Variants in NDST4 observed in about 807,000 individuals in gnomAD.
The protein encoded by NDST4 is N-heparan sulfate sulfotransferase 4.
NDST4 carries 63 observed loss-of-function variants against 100.8 expected under a neutral mutation model. The ratio of observed to expected loss-of-function variants is 0.62; its 90% CI spans 0.51 to 0.77. The LOEUF is 0.77. NDST4 is among the 30% of genes least tolerant of loss of function. The probability of loss-of-function intolerance (pLI) is 0.00; values close to 1 mark genes in which losing one functional copy is unlikely to be tolerated. For missense variants in NDST4, 943 were observed against 1,018.4 expected (o/e 0.93, Z 1.01); for synonymous variants, 377 against 361.8 (o/e 1.04, Z -0.48).
At chr4:115,042,883 G>A (rs1728383474) in intron 2 of NDST4, among the ~76,000 whole-genome samples, 1 of 151,994 alleles carries the variant, frequency 6.6e-6, no homozygotes, top group East Asian at 1.9e-4. Flanking sequence ...AAGACCAAAA[G>A]AAACATCCTA....
At chr4:114,895,697 GCCAATATC>G (rs1217604029) in intron 6 of NDST4, among the ~76,000 whole-genome samples, 1 of 151,972 alleles carries the variant, frequency 6.6e-6, no homozygotes, top group Non-Finnish European at 1.5e-5. Context: ...AAAACTTCAG[GCCAATATC>G]CCTGATGAAC....
intron 1 of NDST4, among the ~76,000 whole-genome samples, chr4:115,088,151 C>T (rs773236292): frequency 5.9e-5 from 9 of 151,832 alleles, no homozygotes; most frequent in Non-Finnish European, 1.0e-4. Context: ...TCCCTAGCTC[C>T]ACAATCTTCT....
intron 7 of NDST4, among the ~76,000 whole-genome samples, chr4:114,869,464 G>A (rs1051817980): frequency 1.3e-5 from 2 of 152,012 alleles, no homozygotes; most frequent in Non-Finnish European, 2.9e-5. Context: ...AAAAGTATGT[G>A]AGATCTTTTG....
In NDST4 at chr4:114,949,508, A is replaced by T. The variant is rs76480793; in HGVS notation, c.1222-12005T>A. Among the ~76,000 whole-genome samples, 1,256 of 152,140 alleles carry T rather than the reference A, an allele frequency of 8.3e-3. 21 individuals carry two copies. The highest frequency in any genetic ancestry group is 0.029 in the African/African-American group (1,203 of 41,518). ...GAGTAGTGGTTGCTAGTATTGGTTC[A>T]GCAGTTTAAGATTGCCAAAAGTGAG... On this transcript the variant is annotated intron_variant, in intron 4 of 13. Transcript: ENST00000264363.
intron 10 of NDST4, among the ~76,000 whole-genome samples, chr4:114,843,156 G>A (rs1723468725): frequency 6.6e-6 from 1 of 151,980 alleles, no homozygotes; most frequent in South Asian, 2.1e-4. Flanking sequence ...CATTAACATA[G>A]CAGTTTCTTT....
At chr4:115,006,045 AAAAAG>A (rs1251875832) in intron 2 of NDST4, among the ~76,000 whole-genome samples, 25 of 151,060 alleles carry the variant, frequency 1.7e-4, no homozygotes, top group Non-Finnish European at 2.8e-4. Context: ...AAAAAAAAAA[AAAAAG>A]AAGAAGAAGA....
At chr4:114,980,598 C>T (rs138940424) in intron 2 of NDST4, among the ~76,000 whole-genome samples, 1,716 of 152,010 alleles carry the variant, frequency 0.011, 35 homozygotes, top group African/African-American at 0.039. Flanking sequence ...GCTGAGATTG[C>T]GCAATGGCAC....
chr4:115,077,675 CA>C (rs1481450397), intron 1 of NDST4, among the ~76,000 whole-genome samples: 1 of 152,160 alleles, frequency 6.6e-6, no homozygotes, highest in East Asian at 1.9e-4. Flanking sequence ...AATCAGGAAT[CA>C]GGGGCTTAGA....
intron 2 of NDST4, among the ~76,000 whole-genome samples, chr4:114,988,216 A>C (rs1726954214): frequency 6.6e-6 from 1 of 151,962 alleles, no homozygotes; most frequent in Admixed American, 6.6e-5. Flanking sequence ...AACAACTATT[A>C]AGTTAATGAA....
intron 4 of NDST4, among the ~76,000 whole-genome samples, chr4:114,943,709 T>TG (rs1725800984): frequency 6.6e-6 from 1 of 152,176 alleles, no homozygotes; most frequent in Non-Finnish European, 1.5e-5. Context: ...ATCTGGAGAC[T>TG]GGTTGGCTGG....
At chr4:115,082,048 G>A (rs1729315889) in intron 1 of NDST4, among the ~76,000 whole-genome samples, 1 of 152,130 alleles carries the variant, frequency 6.6e-6, no homozygotes, top group Non-Finnish European at 1.5e-5. Flanking sequence ...GTCACAAAAT[G>A]TGGGCTTCAT....
At chr4:114,838,175 G>A (rs952468408) in intron 11 of NDST4, among the ~76,000 whole-genome samples, 4 of 152,198 alleles carry the variant, frequency 2.6e-5, no homozygotes, top group Admixed American at 6.5e-5. Flanking sequence ...AACAACAGAC[G>A]CTGGAGAGAA....
intron 4 of NDST4, among the ~76,000 whole-genome samples, chr4:114,957,929 G>A (rs1337080459): frequency 6.6e-6 from 1 of 152,210 alleles, no homozygotes; most frequent in Non-Finnish European, 1.5e-5. Flanking sequence ...CTCTGTCCCT[G>A]TGGCTTTGCA....
chr4:115,013,179 T>A (rs1455473093), intron 2 of NDST4, among the ~76,000 whole-genome samples: 1 of 151,110 alleles, frequency 6.6e-6, no homozygotes, highest in Non-Finnish European at 1.5e-5. Context: ...AAACAATAAT[T>A]TATTGTACAT....
intron 3 of NDST4, among the ~76,000 whole-genome samples, chr4:114,972,698 C>A (rs1450314898): frequency 1.3e-5 from 2 of 151,986 alleles, no homozygotes; most frequent in African/African-American, 2.4e-5. Context: ...TTCTCCCACC[C>A]TCCTGGAATT....
chr4:114,878,550 C>T (rs961897596), intron 6 of NDST4, among the ~76,000 whole-genome samples: 12 of 152,218 alleles, frequency 7.9e-5, no homozygotes, highest in African/African-American at 2.4e-4. Flanking sequence ...TTGATTTGCA[C>T]ACAATGGAGC....
chr4:114,961,444 A>C (rs551599544), intron 4 of NDST4, among the ~76,000 whole-genome samples: 6 of 152,170 alleles, frequency 3.9e-5, no homozygotes, highest in Admixed American at 1.3e-4. Flanking sequence ...TAAATTGGAA[A>C]AACTTTAGAT....
intron 2 of NDST4, among the ~76,000 whole-genome samples, chr4:115,040,560 C>G (rs921483927): frequency 2.0e-5 from 3 of 151,472 alleles, no homozygotes; most frequent in African/African-American, 4.9e-5. Flanking sequence ...ACTGTGTCTT[C>G]CTGTTTTTGT....
rs1729184936 is a variant in NDST4, at chr4:115,076,450, T to C, written c.587A>G (p.Asn196Ser). 2.5e-6 allele frequency: 4 copies of C among 1,613,908 alleles called. No individual in the cohort carries two copies. The highest frequency in any genetic ancestry group is 3.3e-5 in the Admixed American group (2 of 59,998). ...AATATGCAGCAAAGGAGATTGAGGG[T>C]TAACAAAACAGTCCTTTAGAGCTAG... ...NNLALKDCFVNPQSPLLHITK... is the reference protein window; with the variant it reads ...NNLALKDCFVSPQSPLLHITK... Residue 196 changes from asparagine to serine, a missense_variant, in exon 2 of 14, where the codon AAC becomes AGC. Asn to Ser is a conservative substitution (Grantham distance 46, BLOSUM62 1). Coordinates refer to ENST00000264363, the MANE Select transcript of NDST4 (RefSeq NM_022569.3).
Sources: allele counts gnomAD v4.1 joint callset (sites outside exome capture counted in the v4.1 genomes callset), GRCh38; gene constraint gnomAD v4.1.1; transcripts MANE v1.5; gene names NCBI Gene and HGNC (gene_info 2026-07-23, HGNC 2026-07-21).